Variants in STX18 observed in about 807,000 individuals in gnomAD.
STX18 encodes syntaxin-18.
In STX18, 40 loss-of-function variants were observed where a neutral mutation model predicts 50.1. The observed-to-expected ratio is 0.80, with a 90% CI of 0.62 to 1.04. STX18 has a LOEUF of 1.04. Ranked by LOEUF, STX18 falls within the 50% of genes least tolerant of loss-of-function variation. The pLI, the probability that STX18 is intolerant of heterozygous loss-of-function variation, is 0.00. For missense variants in STX18, 410 were observed against 415.8 expected (o/e 0.99, Z 0.12); for synonymous variants, 158 against 151.8 (o/e 1.04, Z -0.30).
chr4:4,471,522 C>A (rs772234266), intron 2 of STX18, 117 bp downstream of exon 2: 98 of 631,340 alleles, frequency 1.6e-4, no homozygotes, highest in Admixed American at 2.6e-4. Flanking sequence ...CCAAACTGGT[C>A]TTCCTCATTA....
At chr4:4,491,278 C>T (rs1728930834) in intron 1 of STX18, among the ~76,000 whole-genome samples, 1 of 152,052 alleles carries the variant, frequency 6.6e-6, no homozygotes, top group Non-Finnish European at 1.5e-5. Context: ...CCATTTCTTT[C>T]AAAACTTCAG....
intron 2 of STX18, among the ~76,000 whole-genome samples, chr4:4,465,484 C>A (rs1353235944): frequency 6.6e-6 from 1 of 152,188 alleles, no homozygotes; most frequent in Non-Finnish European, 1.5e-5. Flanking sequence ...AATCCATTAT[C>A]CTCAGCAAAC....
chr4:4,492,913 T>G (rs751873883), intron 1 of STX18, among the ~76,000 whole-genome samples: 1 of 152,224 alleles, frequency 6.6e-6, no homozygotes, highest in Non-Finnish European at 1.5e-5. Context: ...TGGGCAAATC[T>G]GTGTACTTCC....
intron 2 of STX18, among the ~76,000 whole-genome samples, chr4:4,462,405 T>C (rs1389434917): frequency 6.6e-6 from 1 of 152,228 alleles, no homozygotes; most frequent in Non-Finnish European, 1.5e-5. Context: ...GTTATATTCA[T>C]TCACATGATA....
At chr4:4,474,336 C>G (rs1728068875) in intron 1 of STX18, among the ~76,000 whole-genome samples, 1 of 71,122 alleles carries the variant, frequency 1.4e-5, no homozygotes, top group Non-Finnish European at 2.5e-5. Flanking sequence ...GCTTGTCAGG[C>G]AGTTTCTGGC....
At chr4:4,501,419 A>G (rs1341532280) in intron 1 of STX18, among the ~76,000 whole-genome samples, 1 of 152,232 alleles carries the variant, frequency 6.6e-6, no homozygotes, top group Non-Finnish European at 1.5e-5. Context: ...TTTTAAAAAC[A>G]GTAAACAACA....
In STX18 at chr4:4,420,812, T is replaced by C. The variant is rs535645787; in HGVS notation, c.912+52A>G. On this transcript the variant is annotated intron_variant, in intron 10 of 10. Transcript: ENST00000306200. This position sits in a 1 kb window ranked among gnomAD's most constrained non-coding sequence, Gnocchi z 4.3. Reference sequence around the variant, plus strand: ...TGCCGGCGAGACTAACACCCGCTGCTGGGACTCAGTGCTGCGCCACGTCGC... The same window carrying C: ...TGCCGGCGAGACTAACACCCGCTGCCGGGACTCAGTGCTGCGCCACGTCGC... 2.0e-6 allele frequency: 3 copies of C among 1,520,278 alleles called. No individual in the cohort carries two copies. Among genetic ancestry groups the C allele is most frequent in the East Asian group, 4.5e-5 (2 of 44,364 alleles). The allele number at this position is 1,520,278 out of a possible 1,614,324, so 94.2% of individuals were successfully genotyped here. A position where few individuals can be genotyped will look rare whatever the true frequency, so the allele number is the denominator to read the frequency against.
At chr4:4,460,581 C>T (rs375642986) in intron 2 of STX18, among the ~76,000 whole-genome samples, 5 of 152,156 alleles carry the variant, frequency 3.3e-5, no homozygotes, top group Non-Finnish European at 5.9e-5. Context: ...TGGAGTCACC[C>T]CTATCCCACG....
At chr4:4,535,322 C>T (rs1413038090) in intron 1 of STX18, among the ~76,000 whole-genome samples, 1 of 152,302 alleles carries the variant, frequency 6.6e-6, no homozygotes, top group South Asian at 2.1e-4. Context: ...TCAAAACTTA[C>T]AGTCCTCCTA....
chr4:4,476,411 T>C (rs920123438), intron 1 of STX18, among the ~76,000 whole-genome samples: 1 of 152,222 alleles, frequency 6.6e-6, no homozygotes, highest in African/African-American at 2.4e-5. Context: ...ATATTCTTAG[T>C]GGAAAGAAAC....
At position 4,435,410 on chromosome 4, in the gene STX18, G is replaced by A. The variant is rs552634781; in HGVS notation, c.614-552C>T. Among the ~76,000 whole-genome samples, 30 of 152,190 alleles carry A rather than the reference G, an allele frequency of 2.0e-4. No individual in the cohort carries two copies. The South Asian group carries it at 4.8e-3, about 24-fold the overall frequency. ...GATATTCACATACAAAGATATATGA[G>A]TCCCTGTCTACCCATGAAATTCAAG... On this transcript the variant is annotated intron_variant, in intron 6 of 10. Transcript: ENST00000306200.
At chr4:4,439,391 C>T (rs1725980925) in intron 5 of STX18, among the ~76,000 whole-genome samples, 2 of 111,562 alleles carry the variant, frequency 1.8e-5, no homozygotes, top group Non-Finnish European at 1.7e-5. Flanking sequence ...CCCCTACATA[C>T]ACACACACAC....
chr4:4,432,164 G>A (rs1031757520), intron 7 of STX18, among the ~76,000 whole-genome samples: 1 of 152,214 alleles, frequency 6.6e-6, no homozygotes, highest in African/African-American at 2.4e-5. Flanking sequence ...GGCTCTGAAG[G>A]AGAACCCCCA....
At chr4:4,541,692 C>A in intron 1 of STX18, 105 bp downstream of exon 1, 2 of 1,330,018 alleles carry the variant, frequency 1.5e-6, no homozygotes, top group East Asian at 2.6e-5. Flanking sequence ...TTAGAGCCAC[C>A]CCCTTCACAC....
intron 5 of STX18, among the ~76,000 whole-genome samples, chr4:4,448,258 C>T (rs895089720): frequency 1.3e-5 from 2 of 152,160 alleles, no homozygotes; most frequent in Non-Finnish European, 2.9e-5. Context: ...TTGAAAAAGA[C>T]ACATTTACAA....
intron 1 of STX18, among the ~76,000 whole-genome samples, chr4:4,502,188 A>G (rs1242403324): frequency 6.6e-6 from 1 of 152,234 alleles, no homozygotes; most frequent in Non-Finnish European, 1.5e-5. Flanking sequence ...GCAAAAGGGA[A>G]ACAAATGACA....
At chr4:4,524,050 C>T (rs1355610098) in intron 1 of STX18, among the ~76,000 whole-genome samples, 4 of 152,090 alleles carry the variant, frequency 2.6e-5, no homozygotes, top group Admixed American at 2.6e-4. Context: ...ATTTTTTTCC[C>T]TAGATTATGT....
chr4:4,464,453 T>A (rs1410000153), intron 2 of STX18, among the ~76,000 whole-genome samples: 1 of 152,264 alleles, frequency 6.6e-6, no homozygotes, highest in African/African-American at 2.4e-5. Flanking sequence ...TCTGCATGTT[T>A]CACTACAGGA....
At chr4:4,493,865 G>A (rs1451663306) in intron 1 of STX18, among the ~76,000 whole-genome samples, 1 of 152,202 alleles carries the variant, frequency 6.6e-6, no homozygotes, top group Non-Finnish European at 1.5e-5. Flanking sequence ...AAGAAATTAT[G>A]AAGATACAAC....
Sources: allele counts gnomAD v4.1 joint callset (sites outside exome capture counted in the v4.1 genomes callset), GRCh38; gene constraint gnomAD v4.1.1; non-coding constraint Gnocchi (gnomAD v3.1); transcripts MANE v1.5; gene names NCBI Gene and HGNC (gene_info 2026-07-23, HGNC 2026-07-21).